Variants in GRIP1 observed in about 807,000 individuals in gnomAD.
The protein encoded by GRIP1 is glutamate receptor interacting protein 1.
In GRIP1, 45 loss-of-function variants were observed where a neutral mutation model predicts 129.9. The observed-to-expected ratio is 0.35, with a 90% CI of 0.27 to 0.44. GRIP1 has a LOEUF of 0.44. Among genes scored for constraint, GRIP1 ranks in the 20% least tolerant of loss-of-function variants. The probability of loss-of-function intolerance (pLI) is 1.00; values close to 1 mark genes in which losing one functional copy is unlikely to be tolerated. For synonymous variants in GRIP1, 530 were observed against 520.8 expected (o/e 1.02, Z -0.24); for missense variants, 1,196 against 1,396.8 (o/e 0.86, Z 2.29).
intron 1 of GRIP1, among the ~76,000 whole-genome samples, chr12:66,917,312 A>G (rs956515661): frequency 6.6e-6 from 1 of 152,348 alleles, no homozygotes; most frequent in African/African-American, 2.4e-5. Flanking sequence ...CTTGCCTAAT[A>G]CATTTATTTC....
At chr12:66,584,407 T>TA (rs557172211) in intron 2 of GRIP1, among the ~76,000 whole-genome samples, 39 of 151,112 alleles carry the variant, frequency 2.6e-4, no homozygotes, top group African/African-American at 4.4e-4. Flanking sequence ...TAAAGTATAA[T>TA]AAAAAAAAAT....
chr12:66,688,771 GA>G (rs758109287), intron 1 of GRIP1, among the ~76,000 whole-genome samples: 292 of 123,868 alleles, frequency 2.4e-3, no homozygotes, highest in African/African-American at 3.9e-3. Context: ...CACTGACTCT[GA>G]AAAAAAAAAA....
At chr12:66,976,594 G>A (rs919676527) in intron 1 of GRIP1, among the ~76,000 whole-genome samples, 3 of 152,052 alleles carry the variant, frequency 2.0e-5, no homozygotes, top group African/African-American at 7.2e-5. Context: ...ATATCACCTG[G>A]CAAAGAACAA....
chr12:66,779,543 A>G (rs931847624), intron 1 of GRIP1, among the ~76,000 whole-genome samples: 1 of 152,244 alleles, frequency 6.6e-6, no homozygotes, highest in Non-Finnish European at 1.5e-5. Context: ...ACATGGAAAC[A>G]CTTCTTAGTA....
chr12:66,961,812 A>G (rs2041925414), intron 1 of GRIP1, among the ~76,000 whole-genome samples: 1 of 152,190 alleles, frequency 6.6e-6, no homozygotes, highest in Non-Finnish European at 1.5e-5. Flanking sequence ...CACTACCGCC[A>G]TTAGTGCCTG....
At chr12:66,386,470 TA>T (rs2056363303) in intron 19 of GRIP1, among the ~76,000 whole-genome samples, 1 of 151,840 alleles carries the variant, frequency 6.6e-6, no homozygotes, top group Non-Finnish European at 1.5e-5. Flanking sequence ...CCATCTCTAC[TA>T]AAAATACAAA....
intron 1 of GRIP1, among the ~76,000 whole-genome samples, chr12:66,905,700 C>G (rs12579822): frequency 6.6e-6 from 1 of 151,940 alleles, no homozygotes; most frequent in Non-Finnish European, 1.5e-5. Flanking sequence ...CTTATTATAG[C>G]TCATATTAAT....
intron 2 of GRIP1, among the ~76,000 whole-genome samples, chr12:66,571,685 G>A (rs1271680071): frequency 1.3e-5 from 2 of 152,102 alleles, no homozygotes; most frequent in Admixed American, 1.3e-4. Flanking sequence ...TTTCCTAGGT[G>A]AAAAAGGACA....
At chr12:66,925,414 T>C (rs1042213122) in intron 1 of GRIP1, among the ~76,000 whole-genome samples, 2 of 151,612 alleles carry the variant, frequency 1.3e-5, no homozygotes, top group South Asian at 4.1e-4. Context: ...GTATGGCCTA[T>C]GAGAAGTACA....
chr12:66,472,514 T>C (rs1443560429), intron 7 of GRIP1, among the ~76,000 whole-genome samples: 1 of 152,184 alleles, frequency 6.6e-6, no homozygotes, highest in Non-Finnish European at 1.5e-5. Flanking sequence ...ACAAAAATAT[T>C]GAGTTATCTG....
intron 4 of GRIP1, 37 bp downstream of exon 4, chr12:66,539,041 T>G (rs773935530): frequency 6.3e-7 from 1 of 1,577,610 alleles, no homozygotes; most frequent in Non-Finnish European, 8.7e-7. Flanking sequence ...GGTCTTGGAA[T>G]GTATCCCCTA....
intron 13 of GRIP1, among the ~76,000 whole-genome samples, chr12:66,434,041 T>C (rs2058227994): frequency 6.6e-6 from 1 of 152,220 alleles, no homozygotes; most frequent in Non-Finnish European, 1.5e-5. Flanking sequence ...TGGCCTTGAA[T>C]TGCTCTTCTT....
At chr12:66,381,003 C>G (rs961845145) in intron 19 of GRIP1, among the ~76,000 whole-genome samples, 1 of 152,172 alleles carries the variant, frequency 6.6e-6, no homozygotes, top group African/African-American at 2.4e-5. Flanking sequence ...CCTGCTTCCT[C>G]TTCCCCATTC....
At chr12:66,558,787 A>C (rs1210473831) in intron 2 of GRIP1, among the ~76,000 whole-genome samples, 1 of 129,630 alleles carries the variant, frequency 7.7e-6, no homozygotes, top group African/African-American at 3.0e-5. Context: ...TGCTCAAACT[A>C]TTCCAAAAAA....
At chr12:66,909,195 C>T (rs951543572) in intron 1 of GRIP1, among the ~76,000 whole-genome samples, 2 of 152,112 alleles carry the variant, frequency 1.3e-5, no homozygotes, top group Non-Finnish European at 2.9e-5. Context: ...CACGTTAGTA[C>T]ATTATGATGC....
exon 1 of GRIP1, chr12:67,069,135 G>A (rs1364012839): frequency 2.0e-6 from 2 of 984,782 alleles, no homozygotes; most frequent in Non-Finnish European, 2.4e-6. Context: ...TCGCTGTCGG[G>A]CTCGCTCTTT....
chr12:67,033,833 T>C (rs950505436), intron 1 of GRIP1, among the ~76,000 whole-genome samples: 1 of 152,216 alleles, frequency 6.6e-6, no homozygotes, highest in Non-Finnish European at 1.5e-5. Flanking sequence ...AATTAATATA[T>C]GTAAAAATAT....
chr12:66,843,849 C>T (rs1170307423), intron 1 of GRIP1, among the ~76,000 whole-genome samples: 1 of 152,034 alleles, frequency 6.6e-6, no homozygotes, highest in Non-Finnish European at 1.5e-5. Context: ...CTATAAAACT[C>T]TTACAAGAAA....
chr12:66,463,120 G>A, intron 8 of GRIP1, 27 bp from the exon 9 acceptor site: 2 of 1,593,108 alleles, frequency 1.3e-6, no homozygotes, highest in Non-Finnish European at 1.7e-6. Context: ...TACTCGGTAA[G>A]AGGCAGTGCC....
Sources: gnomAD v4.1 joint callset for allele counts (sites outside exome capture counted in the v4.1 genomes callset) on GRCh38, gnomAD v4.1.1 for gene constraint, MANE v1.5 for transcripts, NCBI Gene and HGNC (gene_info 2026-07-23, HGNC 2026-07-21) for gene names.